Variants in LRBA observed in about 807,000 individuals in gnomAD.
LRBA encodes lipopolysaccharide-responsive and beige-like anchor protein.
Under a neutral mutation model 330.0 loss-of-function variants are expected in LRBA, and 176 were observed. That is an observed-to-expected ratio of 0.53 (90% CI 0.47 to 0.60). The LOEUF (loss-of-function observed/expected upper bound fraction) is 0.60, where lower values mean the gene tolerates loss of function less well. Among genes scored for constraint, LRBA ranks in the 20% least tolerant of loss-of-function variants. LRBA has a pLI of 0.00. For synonymous variants in LRBA, 1,230 were observed against 1,193.0 expected (o/e 1.03, Z -0.64); for missense variants, 3,259 against 3,444.8 (o/e 0.95, Z 1.35).
intron 18 of LRBA, among the ~76,000 whole-genome samples, 199 bp from the exon 19 acceptor site, chr4:150,871,652 T>C (rs1753458091): frequency 6.6e-6 from 1 of 151,564 alleles, no homozygotes; most frequent in Non-Finnish European, 1.5e-5. Flanking sequence ...TATATAAGCA[T>C]AGCCGAAGTT....
At chr4:150,564,324 G>A (rs924418794) in intron 40 of LRBA, among the ~76,000 whole-genome samples, 100 of 152,054 alleles carry the variant, frequency 6.6e-4, no homozygotes, top group Admixed American at 3.1e-3. Flanking sequence ...TGGGAAAACT[G>A]GCTAGCCATA....
chr4:150,720,116 G>A (rs1361344474), intron 36 of LRBA, among the ~76,000 whole-genome samples: 1 of 151,990 alleles, frequency 6.6e-6, no homozygotes, highest in Non-Finnish European at 1.5e-5. Flanking sequence ...GAATGGAGAG[G>A]GAAATAAGTC....
chr4:150,716,284 TA>T (rs1205789086), intron 36 of LRBA, among the ~76,000 whole-genome samples: 1 of 152,046 alleles, frequency 6.6e-6, no homozygotes, highest in Non-Finnish European at 1.5e-5. Context: ...CCGTCTCTAC[TA>T]AAAATACAAA....
chr4:151,014,699 T>G lies in LRBA; in HGVS notation c.-57A>C. On this transcript the variant is annotated 5_prime_UTR_variant, in exon 2 of 57. Coordinates refer to ENST00000651943, the MANE Select transcript of LRBA (RefSeq NM_001364905.1). ...CACCCTGGGACGGCAGTCGCTGCAC[T>G]GGTAATGAGCACAACACACGCAATG... The G allele has an allele frequency of 8.4e-7, 1 of 1,184,672 alleles. No individual in the cohort carries two copies. Among genetic ancestry groups the G allele is most frequent in the African/African-American group, 1.5e-5 (1 of 66,190 alleles). 73.4% of individuals were successfully genotyped at this position (1,184,672 alleles called of 1,614,324 possible). A position where few individuals can be genotyped will look rare whatever the true frequency, so the allele number is the denominator to read the frequency against.
intron 2 of LRBA, among the ~76,000 whole-genome samples, chr4:150,965,144 T>C (rs1055783991): frequency 4.6e-5 from 7 of 152,146 alleles, no homozygotes; most frequent in Non-Finnish European, 7.3e-5. Context: ...ATCTATCCTA[T>C]AGATACAATT....
intron 48 of LRBA, among the ~76,000 whole-genome samples, chr4:150,328,650 CA>C (rs2126957527): frequency 6.6e-6 from 1 of 152,030 alleles, no homozygotes; most frequent in South Asian, 2.1e-4. Flanking sequence ...ACATGAGACC[CA>C]GACACAAAAG....
chr4:150,381,920 C>T (rs1385259272), intron 47 of LRBA, among the ~76,000 whole-genome samples: 1 of 152,188 alleles, frequency 6.6e-6, no homozygotes, highest in Non-Finnish European at 1.5e-5. Context: ...CTAATGTTAA[C>T]ATATTTTCAC....
chr4:150,596,948 A>T lies in LRBA; in HGVS notation c.6046+2059T>A. ...AAATATTAAATATGATATATCTCTG[A>T]AATTGTAAGACAACTGAAGAATCTC... On this transcript the variant is annotated intron_variant, in intron 38 of 56. Transcript: ENST00000651943. The T allele has an allele frequency of 2.8e-5, 13 of 471,560 alleles. 1 individual carries two copies. The South Asian group carries it at 4.1e-4, about 15-fold the overall frequency. 29.2% of individuals were successfully genotyped at this position (471,560 alleles called of 1,614,324 possible).
intron 37 of LRBA, among the ~76,000 whole-genome samples, chr4:150,616,370 AAG>A (rs1478885644): frequency 6.6e-6 from 1 of 152,214 alleles, no homozygotes; most frequent in African/African-American, 2.4e-5. Context: ...AGGAATTTTG[AAG>A]AGAGGCCAGT....
intron 36 of LRBA, among the ~76,000 whole-genome samples, chr4:150,720,323 GTAAAAGAAAATTATTCA>G (rs1728764591): frequency 6.6e-6 from 1 of 151,916 alleles, no homozygotes; most frequent in Non-Finnish European, 1.5e-5. Context: ...ATCTCAAGGA[GTAAAAGAAAATTATTCA>G]TGATTATTTT....
chr4:150,488,709 A>G (rs576108697), intron 41 of LRBA, among the ~76,000 whole-genome samples: 34 of 150,498 alleles, frequency 2.3e-4, no homozygotes, highest in Non-Finnish European at 4.2e-4. Flanking sequence ...GCGATCATCT[A>G]GAAGATGGTC....
chr4:150,439,502 G>GT (rs928937848), intron 44 of LRBA, among the ~76,000 whole-genome samples: 3 of 151,306 alleles, frequency 2.0e-5, no homozygotes, highest in Admixed American at 6.6e-5. Flanking sequence ...ATAAAAGAAA[G>GT]TTAAAAAAAA....
chr4:150,898,338 T>C (rs1440675636), intron 14 of LRBA, among the ~76,000 whole-genome samples: 2 of 152,120 alleles, frequency 1.3e-5, no homozygotes, highest in Non-Finnish European at 2.9e-5. Context: ...GGAAATATTA[T>C]GTTAACTGCC....
At chr4:150,594,632 A>C (rs1372003957) in intron 38 of LRBA, among the ~76,000 whole-genome samples, 1 of 151,994 alleles carries the variant, frequency 6.6e-6, no homozygotes, top group Non-Finnish European at 1.5e-5. Context: ...GTTTAATTTC[A>C]CCTTTTATTC....
At chr4:150,488,915 A>G (rs1047240636) in intron 41 of LRBA, among the ~76,000 whole-genome samples, 5 of 140,990 alleles carry the variant, frequency 3.5e-5, no homozygotes, top group African/African-American at 1.3e-4. Context: ...ATATATACAC[A>G]CACATAAGAA....
rs552692909 is a variant in LRBA at position 150,723,460 on chromosome 4, C to T, written c.5754+11798G>A. Among the ~76,000 whole-genome samples the T allele has an allele frequency of 2.6e-5, 4 of 152,192 alleles. No homozygotes were observed. In the East Asian group the frequency reaches 7.7e-4, roughly 29 times the overall value. On this transcript the variant is annotated intron_variant, in intron 36 of 56. Coordinates refer to ENST00000651943, the MANE Select transcript of LRBA (RefSeq NM_001364905.1). ...TTTCATTTCTAGACACAACCTGGAC[C>T]AAAAGTGAACCCAGTGCCTTGAAGG...
At chr4:150,315,496 A>G in intron 51 of LRBA, 65 bp downstream of exon 51, 1 of 1,315,938 alleles carries the variant, frequency 7.6e-7, no homozygotes, top group South Asian at 1.2e-5. Context: ...AAACAACTGT[A>G]ATCTACACTT....
chr4:150,447,277 C>T (rs1752728773), intron 44 of LRBA, among the ~76,000 whole-genome samples: 1 of 152,156 alleles, frequency 6.6e-6, no homozygotes, highest in African/African-American at 2.4e-5. Context: ...CTTGGTATGT[C>T]TGTGAAGATG....
Position 150,302,761 on chromosome 4 carries a change from C to T in LRBA, c.7881G>A (p.Trp2627Ter). The T allele has an allele frequency of 6.2e-7, 1 of 1,607,622 alleles. No homozygotes were observed. The change falls in exon 53 of 57, where the codon TGG becomes TGA. Residue 2627 changes from tryptophan (W) to a stop codon, truncating the protein, a stop_gained. Transcript: ENST00000651943. LOFTEE classifies it high-confidence loss of function. The stretch of plus-strand genomic sequence containing the variant: ...AACGAGCAAGGCAAGTGACGACATC[C>T]CAATGGCCAAACACCACTTGGATCA... Reference protein sequence around the residue: ...GRLIQVVFGHWDVVTCLARSE... With the variant: ...GRLIQVVFGH
Sources: allele counts gnomAD v4.1 joint callset (sites outside exome capture counted in the v4.1 genomes callset), GRCh38; gene constraint gnomAD v4.1.1; transcripts MANE v1.5; gene names NCBI Gene and HGNC (gene_info 2026-07-23, HGNC 2026-07-21).